The following GSTA2 variants were observed in gnomAD, a reference collection of about 807,000 sequenced individuals.
GSTA2 encodes the protein glutathione S-transferase alpha 2, also known as glutathione S-transferase A2.
GSTA2 carries 27 observed loss-of-function variants against 22.4 expected under a neutral mutation model. The observed-to-expected ratio is 1.21, with a 90% CI of 0.89 to 1.67. The LOEUF is 1.67. Among genes scored for constraint, GSTA2 ranks in the 40% most tolerant of loss-of-function variants. The pLI is 0.00. For synonymous variants in GSTA2, 121 were observed against 86.8 expected, an observed-to-expected ratio of 1.39 and a Z score of -2.19; for missense variants, 302 against 260.2, an observed-to-expected ratio of 1.16 and a Z score of -1.11.
intron 1 of GSTA2, among the ~76,000 whole-genome samples, chr6:52,759,708 C>T (rs971697541): frequency 2.0e-5 from 3 of 150,324 alleles, no homozygotes; most frequent in Non-Finnish European, 3.0e-5. Context: ...CCTCAGCATC[C>T]TGAGTAGCTG....
chr6:52,757,012 G>A (rs1762857396), intron 2 of GSTA2, among the ~76,000 whole-genome samples: 2 of 136,472 alleles, frequency 1.5e-5, no homozygotes, highest in South Asian at 2.7e-4. Flanking sequence ...TTTTAACCAC[G>A]TGTTTATTTC....
rs1019490121 is a variant in GSTA2 at position 52,761,843 on chromosome 6, AAGAG to A, written c.-31+1597_-31+1600del. 1.3e-4 allele frequency among the ~76,000 whole-genome samples: 20 copies of A among 150,798 alleles called. 1 individual carries two copies. The highest frequency in any genetic ancestry group is 3.9e-4 in the African/African-American group (16 of 41,518). ...AGGGCAGGGATGTGTGGGGAAAAGA[AAGAG>A]AGATCAGACTGTTACTATGTCTATG... is the stretch of plus-strand genomic sequence containing the variant. On this transcript the variant is annotated intron_variant, in intron 1 of 6. Coordinates refer to ENST00000493422, the MANE Select transcript of GSTA2 (RefSeq NM_000846.5).
At chr6:52,754,651 A>G (rs1214828567) in intron 4 of GSTA2, among the ~76,000 whole-genome samples, 1 of 152,176 alleles carries the variant, frequency 6.6e-6, no homozygotes, top group Non-Finnish European at 1.5e-5. Context: ...AGCACCTGGA[A>G]ACATGATTCC....
chr6:52,751,487 G>T (rs574177857), intron 6 of GSTA2, 90 bp downstream of exon 6: 5 of 1,603,542 alleles, frequency 3.1e-6, no homozygotes, highest in East Asian at 4.5e-5. Flanking sequence ...GAAGGCTGGG[G>T]TCAAAACATG....
Position 52,757,909 on chromosome 6 carries a change from C to A in GSTA2, c.39G>T (p.Arg13=), listed in dbSNP as rs146322588. The A allele has an allele frequency of 3.1e-6, 5 of 1,613,580 alleles. No individual in the cohort carries two copies. Among genetic ancestry groups the A allele is most frequent in the Non-Finnish European group, 4.2e-6 (5 of 1,179,732 alleles). ...GCCACCGGATGGACTCCATTCTGCC[C>A]CGTATATTGGAGTAGTGGAGCTTGG... is the stretch of plus-strand genomic sequence containing the variant. ...EKPKLHYSNI[R]GRMESIRWLL... Residue 13 remains arginine, a synonymous_variant, in exon 2 of 7, where the codon CGG becomes CGT. Transcript: ENST00000493422.
At chr6:52,755,370 C>A (rs1762821799) in intron 3 of GSTA2, among the ~76,000 whole-genome samples, 1 of 151,972 alleles carries the variant, frequency 6.6e-6, no homozygotes, top group African/African-American at 2.4e-5. Context: ...TGCACCACTG[C>A]ACATGGCTAA....
At chr6:52,762,106 A>G (rs1218309701) in intron 1 of GSTA2, among the ~76,000 whole-genome samples, 2 of 148,736 alleles carry the variant, frequency 1.3e-5, no homozygotes, top group East Asian at 1.9e-4. Flanking sequence ...TCAAGTACCC[A>G]GGGACACAAA....
chr6:52,758,134 A>G (rs748581290), intron 1 of GSTA2, among the ~76,000 whole-genome samples, 157 bp from the exon 2 acceptor site: 5 of 152,180 alleles, frequency 3.3e-5, no homozygotes, highest in African/African-American at 4.8e-5. Flanking sequence ...TCTTGGCTCA[A>G]ATTATTACCC....
intron 3 of GSTA2, among the ~76,000 whole-genome samples, chr6:52,755,297 C>T (rs1358664087): frequency 3.3e-5 from 5 of 150,526 alleles, no homozygotes; most frequent in African/African-American, 4.9e-5. Context: ...TCACTGTAAC[C>T]TCTGCCTCCC....
intron 5 of GSTA2, among the ~76,000 whole-genome samples, chr6:52,752,523 TG>T (rs2127285280): frequency 6.6e-6 from 1 of 152,320 alleles, no homozygotes; most frequent in African/African-American, 2.4e-5. Flanking sequence ...TCAAAGTCCA[TG>T]GGGTTCCATA....
intron 4 of GSTA2, among the ~76,000 whole-genome samples, 173 bp downstream of exon 4, chr6:52,754,770 A>G (rs1281779937): frequency 1.3e-5 from 2 of 151,986 alleles, no homozygotes; most frequent in Admixed American, 6.6e-5. Flanking sequence ...AACCCTCCCC[A>G]TGTTCACTGT....
chr6:52,762,595 C>G (rs1333385423), intron 1 of GSTA2, among the ~76,000 whole-genome samples: 3 of 152,218 alleles, frequency 2.0e-5, no homozygotes, highest in Non-Finnish European at 4.4e-5. Flanking sequence ...ATCCCCCTCT[C>G]TGAGATGGTA....
intron 4 of GSTA2, among the ~76,000 whole-genome samples, chr6:52,753,482 C>T (rs1286923215): frequency 1.3e-5 from 2 of 152,214 alleles, no homozygotes; most frequent in South Asian, 2.1e-4. Flanking sequence ...CATCATTTTA[C>T]AGCTCCCAGG....
intron 4 of GSTA2, among the ~76,000 whole-genome samples, chr6:52,753,447 C>G (rs73740518): frequency 0.018 from 2,808 of 152,286 alleles, 88 homozygotes; most frequent in African/African-American, 0.061. Context: ...GCACAGCCAT[C>G]TCAGCCATAT....
In GSTA2 at chr6:52,750,692, T is replaced by G. The variant is rs1432314981; in HGVS notation, c.554A>C (p.Lys185Thr). The G allele has an allele frequency of 6.2e-7, 1 of 1,612,638 alleles. No homozygotes were observed. The highest frequency in any genetic ancestry group is 8.5e-7 in the Non-Finnish European group (1 of 1,179,764). ...ISSFPLLKAL[K>T]TRISNLPTVK... ...TGTGGGCAGGTTACTGATTCTGGTT[T>G]TCAGGGCCTGTAATCCACAAAGCAC... The change falls in exon 7 of 7, where the codon AAA becomes ACA. Residue 185 changes from lysine (K) to threonine (T), a missense_variant. Physicochemically the swap from Lys to Thr is moderately conservative, Grantham distance 78 (BLOSUM62 -1). Transcript: ENST00000493422.
chr6:52,760,442 A>C (rs1452315089), intron 1 of GSTA2, among the ~76,000 whole-genome samples: 1 of 152,212 alleles, frequency 6.6e-6, no homozygotes, highest in Non-Finnish European at 1.5e-5. Flanking sequence ...GCCATGGGTC[A>C]TACACACATG....
rs1298415801 is a variant in GSTA2 at position 52,750,623 on chromosome 6, A to G, written c.623T>C (p.Met208Thr). The G allele has an allele frequency of 1.9e-6, 3 of 1,613,860 alleles. No homozygotes were observed. The highest frequency in any genetic ancestry group is 1.1e-5 in the South Asian group (1 of 91,080). The change falls in exon 7 of 7, where the codon ATG becomes ACG. Residue 208 changes from methionine (M) to threonine (T), a missense_variant. Coordinates refer to ENST00000493422, the MANE Select transcript of GSTA2 (RefSeq NM_000846.5). ...TGATTCTTCTAAAGATTTCTCATCC[A>G]TGGGAGGCTTCCTTGGGCTGCCAGG... is the stretch of plus-strand genomic sequence containing the variant. ...LQPGSPRKPP[M>T]DEKSLEESRK... is the part of the protein sequence containing the mutation.
At chr6:52,755,445 C>A (rs2127287361) in intron 3 of GSTA2, among the ~76,000 whole-genome samples, 1 of 152,284 alleles carries the variant, frequency 6.6e-6, no homozygotes, top group East Asian at 1.9e-4. Flanking sequence ...AATTCCTGAA[C>A]TGAAGTCATC....
Position 52,756,167 on chromosome 6 carries a change from C to T in GSTA2, c.139+91G>A. The T allele has an allele frequency of 4.9e-6, 4 of 809,942 alleles. No homozygotes were observed. The South Asian group carries it at 5.6e-5, about 11-fold the overall frequency. The allele number at this position is 809,942 out of a possible 1,614,324, so 50.2% of individuals were successfully genotyped here. A position where few individuals can be genotyped will look rare whatever the true frequency, so the allele number is the denominator to read the frequency against. ...TCTGCACCATGTACAAATACCATGC[C>T]CCACACCCATAGACATTGCCGGCTG... On this transcript the variant is annotated intron_variant, in intron 3 of 6. Coordinates refer to ENST00000493422, the MANE Select transcript of GSTA2 (RefSeq NM_000846.5).
Sources: gnomAD v4.1 joint callset for allele counts (sites outside exome capture counted in the v4.1 genomes callset) on GRCh38, gnomAD v4.1.1 for gene constraint, MANE v1.5 for transcripts, NCBI Gene and HGNC (gene_info 2026-07-23, HGNC 2026-07-21) for gene names.